FLG: variants seen among roughly 807,000 people sequenced by gnomAD.
FLG encodes the protein epidermal filaggrin.
In FLG, 6 loss-of-function variants were observed where a neutral mutation model predicts 3.8. The ratio of observed to expected loss-of-function variants is 1.60; its 90% CI spans 0.87 to 3.15. FLG has a LOEUF of 3.15. Ranked by LOEUF, FLG falls within the 30% of genes most tolerant of loss-of-function variation. FLG has a pLI of 0.00. For synonymous variants in FLG, 2,551 were observed against 1,931.6 expected, an observed-to-expected ratio of 1.32 and a Z score of -8.41; for missense variants, 7,595 against 5,050.9, an observed-to-expected ratio of 1.50 and a Z score of -15.27.
chr1:152,305,141 GC>G lies in FLG; in HGVS notation c.9744del (p.Arg3248SerfsTer143), dbSNP rs773332534. ...TGGGACCTGGGGTGTCTGGAGCCGT[GC>G]CTTGACTGCTCCTGAACAGATCCAC... is the stretch of plus-strand genomic sequence containing the variant. ...NHRGSVQEQS[R>X]HGSRHPRSHH... is the part of the protein sequence containing the mutation. On this transcript the variant is annotated frameshift_variant, in exon 3 of 3. Transcript: ENST00000368799. LOFTEE classifies it low-confidence loss of function (END_TRUNC). 3 of 1,613,716 alleles carry G rather than the reference GC, an allele frequency of 1.9e-6. No individual in the cohort carries two copies. The highest frequency in any genetic ancestry group is 2.5e-6 in the Non-Finnish European group (3 of 1,179,914).
At position 152,307,419 on chromosome 1, in the gene FLG, C is replaced by A. The variant is rs781451036; in HGVS notation, c.7467G>T (p.Gly2489=). ...GGGATGTGGTGTGGCTGTGATGAGA[C>A]CCTGAGTGTCCAGATCTATCTACCA... is the stretch of plus-strand genomic sequence containing the variant. ...EQLVDRSGHS[G]SHHSHTTSQG... is the part of the protein sequence containing the mutation. Residue 2489 remains glycine, a synonymous_variant, in exon 3 of 3, where the codon GGG becomes GGT. Coordinates refer to ENST00000368799, the MANE Select transcript of FLG (RefSeq NM_002016.2). The A allele has an allele frequency of 1.3e-4, 202 of 1,613,062 alleles. No individual in the cohort carries two copies. Among genetic ancestry groups the A allele is most frequent in the Non-Finnish European group, 1.6e-4 (189 of 1,179,690 alleles).
chr1:152,314,012 G>A lies in FLG; in HGVS notation c.874C>T (p.Arg292Cys), dbSNP rs764904407. ...VPLQESRTRK[R>C]RGSRVSQDRD... ...TCCTGGCTAACTCTGGATCCCCTAC[G>A]CTTTCTTGTCCTGGACTCCTGCAAT... The change falls in exon 3 of 3, where the codon CGT becomes TGT. Residue 292 changes from arginine to cysteine, a missense_variant. Arg to Cys is a radical substitution (Grantham distance 180, BLOSUM62 -3). Transcript: ENST00000368799. 8.7e-6 allele frequency: 14 copies of A among 1,614,004 alleles called. No homozygotes were observed. Among genetic ancestry groups the A allele is most frequent in the Admixed American group, 3.3e-5 (2 of 59,992 alleles).
At position 152,313,135 on chromosome 1, in the gene FLG, G is replaced by T; in HGVS notation, c.1751C>A (p.Ser584Ter). 1 of 1,613,892 alleles carries T rather than the reference G, an allele frequency of 6.2e-7. No homozygotes were observed. The highest frequency in any genetic ancestry group is 8.5e-7 in the Non-Finnish European group (1 of 1,180,008). The change falls in exon 3 of 3, where the codon TCA becomes TAA. Residue 584 changes from serine to a stop codon, truncating the protein, a stop_gained. Transcript: ENST00000368799. LOFTEE classifies it low-confidence loss of function (END_TRUNC). ...GGAAGCTTCATGATGACGTGACCCTGAGTGCCTGGTGCCGTCTCCTGATTG... is the reference window on the plus strand; with the variant it reads ...GGAAGCTTCATGATGACGTGACCCTTAGTGCCTGGTGCCGTCTCCTGATTG... ...EEQSGDGTRH[S>*]GSRHHEASSQ... is the part of the protein sequence containing the mutation.
intron 1 of FLG, among the ~76,000 whole-genome samples, chr1:152,322,546 CTAAT>C (rs142765161): frequency 0.011 from 1,722 of 150,408 alleles, 26 homozygotes; most frequent in African/African-American, 0.039. Flanking sequence ...AGGAATAAAT[CTAAT>C]TAAAGATATG....
At position 152,310,554 on chromosome 1, in the gene FLG, C is replaced by G. The variant is rs779352008; in HGVS notation, c.4332G>C (p.Gln1444His). 1 of 1,613,856 alleles carries G rather than the reference C, an allele frequency of 6.2e-7. No homozygotes were observed. The highest frequency in any genetic ancestry group is 8.5e-7 in the Non-Finnish European group (1 of 1,179,914). The change falls in exon 3 of 3, where the codon CAG becomes CAC. Residue 1444 changes from glutamine to histidine, a missense_variant. Transcript: ENST00000368799. ...SSGRSRSFLY[Q>H]VSSHEQSEST... ...ACTCAGACTGTTCATGAGAGCTCAC[C>G]TGGTAGAGGAAAGACCTTGAACGTC...
At position 152,305,318 on chromosome 1, in the gene FLG, C is replaced by T. The variant is rs146288788; in HGVS notation, c.9568G>A (p.Asp3190Asn). 3.2e-4 allele frequency: 521 copies of T among 1,610,018 alleles called. 5 individuals carry two copies. In the African/African-American group the frequency reaches 4.8e-3, roughly 15 times the overall value. Reference sequence around the variant, plus strand: ...ACTGCCTGTGAGTGTCTAGAGATGTCGGCATGAGTGGAAGCTTCATGGTGA... The same window carrying T: ...ACTGCCTGTGAGTGTCTAGAGATGTTGGCATGAGTGGAAGCTTCATGGTGA... ...SRHHEASTHA[D>N]ISRHSQAVQG... Residue 3190 changes from aspartate (D) to asparagine (N), a missense_variant, in exon 3 of 3, where the codon GAC becomes AAC. By Grantham distance (23) the Asp-to-Asn change is conservative (BLOSUM62 1). Coordinates refer to ENST00000368799, the MANE Select transcript of FLG (RefSeq NM_002016.2).
rs760732380 is a variant in FLG, at chr1:152,308,566, G to A, written c.6320C>T (p.Ser2107Phe). 1.2e-6 allele frequency: 2 copies of A among 1,614,114 alleles called. No individual in the cohort carries two copies. Among genetic ancestry groups the A allele is most frequent in the South Asian group, 2.2e-5 (2 of 91,078 alleles). ...TTGTCTTCCTCCAGTGCTGGGCGCA[G>A]ACTGTCCATGGGTGGACTCAGACTG... ...HEQSESTHGQSAPSTGGRQGS... is the reference protein window; with the variant it reads ...HEQSESTHGQFAPSTGGRQGS... The change falls in exon 3 of 3, where the codon TCT (serine) becomes TTT (phenylalanine). Residue 2107 changes from serine (S) to phenylalanine (F), a missense_variant. Ser to Phe is a radical substitution (Grantham distance 155). Transcript: ENST00000368799.
intron 1 of FLG, among the ~76,000 whole-genome samples, chr1:152,322,984 G>C (rs938011994): frequency 6.6e-6 from 1 of 151,416 alleles, no homozygotes; most frequent in Non-Finnish European, 1.5e-5. Context: ...TGTTATAAAG[G>C]AAGAAAATAT....
chr1:152,324,878 T>C (rs576914872), intron 1 of FLG, among the ~76,000 whole-genome samples: 1 of 152,040 alleles, frequency 6.6e-6, no homozygotes, highest in African/African-American at 2.4e-5. Context: ...AAAGGTAAGC[T>C]GCTAGGAGTT....
Position 152,313,095 on chromosome 1 carries a change from G to C in FLG, c.1791C>G (p.Ser597Arg), listed in dbSNP as rs112462459. 3.7e-4 allele frequency: 597 copies of C among 1,613,922 alleles called. 9 individuals carry two copies. In the African/African-American group the frequency reaches 5.7e-3, roughly 15 times the overall value. ...RHHEASSQAD[S>R]SRHSQVGQGQ... is the part of the protein sequence containing the mutation. ...CCTGGCCCACCTGTGAGTGTCTAGAGCTGTCAGCCTGAGAGGAAGCTTCAT... is the reference window on the plus strand; with the variant it reads ...CCTGGCCCACCTGTGAGTGTCTAGACCTGTCAGCCTGAGAGGAAGCTTCAT... The change falls in exon 3 of 3, where the codon AGC (serine) becomes AGG (arginine). Residue 597 changes from serine to arginine, a missense_variant. Coordinates refer to ENST00000368799, the MANE Select transcript of FLG (RefSeq NM_002016.2).
Position 152,312,848 on chromosome 1 carries a change from A to G in FLG, c.2038T>C (p.Ser680Pro), listed in dbSNP as rs747514016. ...HGHSADSSRK[S>P]GTRHTQNSSS... Reference sequence around the variant, plus strand: ...GAATTCTGTGTGTGACGAGTGCCTGATTTTCTGGAGCTGTCTGCAGAGTGC... The same window carrying G: ...GAATTCTGTGTGTGACGAGTGCCTGGTTTTCTGGAGCTGTCTGCAGAGTGC... The change falls in exon 3 of 3, where the codon TCA becomes CCA. Residue 680 changes from serine (S) to proline (P), a missense_variant. By Grantham distance (74) the Ser-to-Pro change is moderately conservative. Coordinates refer to ENST00000368799, the MANE Select transcript of FLG (RefSeq NM_002016.2). The G allele has an allele frequency of 1.2e-6, 2 of 1,613,554 alleles. No individual in the cohort carries two copies. The highest frequency in any genetic ancestry group is 1.1e-5 in the South Asian group (1 of 91,064).
intron 2 of FLG, chr1:152,314,964 G>A: frequency 1.8e-6 from 1 of 555,514 alleles, no homozygotes; most frequent in South Asian, 2.6e-5. Flanking sequence ...TGGGGTAAGT[G>A]ACTCTTTTTC....
Position 152,304,220 on chromosome 1 carries a change from A to C in FLG, c.10666T>G (p.Ser3556Ala), listed in dbSNP as rs1570894284. 6.2e-7 allele frequency: 1 copy of C among 1,611,958 alleles called. No homozygotes were observed. The highest frequency in any genetic ancestry group is 8.5e-7 in the Non-Finnish European group (1 of 1,179,652). ...QGHSEDSERWSGSASRNHRGS... is the reference protein window; with the variant it reads ...QGHSEDSERWAGSASRNHRGS... The stretch of plus-strand genomic sequence containing the variant: ...CGATGGTTTCTGGAAGCAGACCCAG[A>C]CCACCTCTCAGAGTCTTCTGAGTGT... Residue 3556 changes from serine to alanine, a missense_variant, in exon 3 of 3, where the codon TCT (serine) becomes GCT (alanine). Transcript: ENST00000368799.
rs111661820 is a variant in FLG at position 152,308,990 on chromosome 1, C to G, written c.5896G>C (p.Gly1966Arg). The G allele has an allele frequency of 1.2e-6, 2 of 1,613,722 alleles. No homozygotes were observed. Among genetic ancestry groups the G allele is most frequent in the African/African-American group, 1.3e-5 (1 of 74,704 alleles). Reference protein sequence around the residue: ...HPGSHHEDRAGHGHSADSSRQ... With the variant: ...HPGSHHEDRARHGHSADSSRQ... ...GAGCTGTCTGCAGAGTGCCCGTGAC[C>G]GGCTCTGTCTTCGTGATGGGACCCA... The change falls in exon 3 of 3, where the codon GGT becomes CGT. Residue 1966 changes from glycine (G) to arginine (R), a missense_variant. Physicochemically the swap from Gly to Arg is moderately radical, Grantham distance 125. Transcript: ENST00000368799.
In FLG at chr1:152,309,417, T is replaced by C. The variant is rs1473403818; in HGVS notation, c.5469A>G (p.Gly1823=). The part of the protein sequence containing the change: ...IRGHPGSSRG[G]RQGSHYEQSV... ...ATTGCTCATAGTGGGATCCCTGCCT[T>C]CCTCCTCTGCTTGACCCTGGGTGTC... Residue 1823 remains glycine, a synonymous_variant, in exon 3 of 3, where the codon GGA becomes GGG. Coordinates refer to ENST00000368799, the MANE Select transcript of FLG (RefSeq NM_002016.2). The C allele has an allele frequency of 6.2e-7, 1 of 1,613,150 alleles. No individual in the cohort carries two copies. The highest frequency in any genetic ancestry group is 1.3e-5 in the African/African-American group (1 of 74,524).
Position 152,303,505 on chromosome 1 carries a change from T to C in FLG, c.11381A>G (p.Gln3794Arg), listed in dbSNP as rs1402038490. ...CCCATGGGAGGCATCAGACCTTCCC[T>C]GGGATGTGGTGTGGCTGTGATGGGA... is the stretch of plus-strand genomic sequence containing the variant. ...SGSHHSHTTSQGRSDASHGQS... is the reference protein window; with the variant it reads ...SGSHHSHTTSRGRSDASHGQS... Residue 3794 changes from glutamine (Q) to arginine (R), a missense_variant, in exon 3 of 3, where the codon CAG becomes CGG. Transcript: ENST00000368799. 1.9e-6 allele frequency: 3 copies of C among 1,614,082 alleles called. No homozygotes were observed. Among genetic ancestry groups the C allele is most frequent in the Non-Finnish European group, 8.5e-7 (1 of 1,180,000 alleles).
chr1:152,302,441 C>G lies in FLG; in HGVS notation c.*259G>C. The G allele has an allele frequency of 4.1e-6, 2 of 491,602 alleles. No homozygotes were observed. The highest frequency in any genetic ancestry group is 5.0e-5 in the South Asian group (2 of 40,170). The allele number at this position is 491,602 out of a possible 1,614,324, so 30.5% of individuals were successfully genotyped here. A position where few individuals can be genotyped will look rare whatever the true frequency, so the allele number is the denominator to read the frequency against. ...TAAAACATTACTTGACCCAGAATCT[C>G]CTAAAATACTCCAGCTAGTTTTCTA... On this transcript the variant is annotated 3_prime_UTR_variant, in exon 3 of 3. Coordinates refer to ENST00000368799, the MANE Select transcript of FLG (RefSeq NM_002016.2).
chr1:152,310,955 A>T lies in FLG; in HGVS notation c.3931T>A (p.Phe1311Ile), dbSNP rs781172022. 1 of 1,613,424 alleles carries T rather than the reference A, an allele frequency of 6.2e-7. No homozygotes were observed. Among genetic ancestry groups the T allele is most frequent in the Non-Finnish European group, 8.5e-7 (1 of 1,179,850 alleles). The change falls in exon 3 of 3, where the codon TTC becomes ATC. Residue 1311 changes from phenylalanine (F) to isoleucine (I), a missense_variant. By Grantham distance (21) the Phe-to-Ile change is conservative (BLOSUM62 0). Transcript: ENST00000368799. ...QSRDGSRHPG[F>I]HQEDRASHGH... Reference sequence around the variant, plus strand: ...TGACTGGCTCTGTCTTCTTGATGGAACCCAGGGTGTCTGGAGCCATCTCTT... The same window carrying T: ...TGACTGGCTCTGTCTTCTTGATGGATCCCAGGGTGTCTGGAGCCATCTCTT...
In FLG at chr1:152,304,682, G is replaced by T. The variant is rs141655789; in HGVS notation, c.10204C>A (p.Arg3402=). The change falls in exon 3 of 3, where the codon CGG becomes AGG. Residue 3402 remains arginine, a synonymous_variant. Coordinates refer to ENST00000368799, the MANE Select transcript of FLG (RefSeq NM_002016.2). ...THEQSESAHG[R]TRTSTGRRQG... The stretch of plus-strand genomic sequence containing the variant: ...CTTCGTCCAGTGCTGGTCCTGGTCC[G>T]CCCATGGGCAGACTCAGACTGTTCA... 2 of 1,612,200 alleles carry T rather than the reference G, an allele frequency of 1.2e-6. No homozygotes were observed. Among genetic ancestry groups the T allele is most frequent in the East Asian group, 2.2e-5 (1 of 44,622 alleles).
Sources: gnomAD v4.1 joint callset for allele counts (sites outside exome capture counted in the v4.1 genomes callset) on GRCh38, gnomAD v4.1.1 for gene constraint, MANE v1.5 for transcripts, NCBI Gene and HGNC (gene_info 2026-07-23, HGNC 2026-07-21) for gene names.